The following PROS1 variants were observed in gnomAD, a reference collection of about 807,000 sequenced individuals.
PROS1 encodes the protein protein S.
Under a neutral mutation model 75.9 loss-of-function variants are expected in PROS1, and 29 were observed. That is an observed-to-expected ratio of 0.38 (90% CI 0.28 to 0.52). The LOEUF (loss-of-function observed/expected upper bound fraction) is 0.52, where lower values mean the gene tolerates loss of function less well. Among genes scored for constraint, PROS1 ranks in the 20% least tolerant of loss-of-function variants. PROS1 has a pLI of 0.83. For missense variants in PROS1, 680 were observed against 810.3 expected (o/e 0.84, Z 1.95); for synonymous variants, 245 against 280.6 (o/e 0.87, Z 1.27).
At chr3:93,943,837 T>G (rs1040317814) in intron 1 of PROS1, among the ~76,000 whole-genome samples, 1 of 152,148 alleles carries the variant, frequency 6.6e-6, no homozygotes, top group Non-Finnish European at 1.5e-5. Flanking sequence ...TTACTTCCCC[T>G]GGCTCAGAAG....
chr3:93,873,919 T>C lies in PROS1; in HGVS notation c.*326A>G, dbSNP rs1708145002. ...ACTTCCTTGCTTTCTGAAAAAAACA[T>C]AGGTATTTAGACACTAGTTCATGAT... is the stretch of plus-strand genomic sequence containing the variant. On this transcript the variant is annotated 3_prime_UTR_variant, in exon 15 of 15. Coordinates refer to ENST00000394236, the MANE Select transcript of PROS1 (RefSeq NM_000313.4). 1 of 257,312 alleles carries C rather than the reference T, an allele frequency of 3.9e-6. No homozygotes were observed. The highest frequency in any genetic ancestry group is 5.0e-5 in the South Asian group (1 of 19,956). The allele number at this position is 257,312 out of a possible 1,614,324, so 15.9% of individuals were successfully genotyped here. A position where few individuals can be genotyped will look rare whatever the true frequency, so the allele number is the denominator to read the frequency against.
chr3:93,882,865 C>T (rs754623377), intron 12 of PROS1, among the ~76,000 whole-genome samples: 5 of 152,140 alleles, frequency 3.3e-5, no homozygotes, highest in Non-Finnish European at 7.4e-5. Flanking sequence ...AGATCCTTCT[C>T]GGTCTCCTCT....
At chr3:93,965,670 C>T (rs1165039000) in intron 1 of PROS1, among the ~76,000 whole-genome samples, 6 of 152,060 alleles carry the variant, frequency 3.9e-5, no homozygotes, top group East Asian at 1.9e-4. Context: ...AAGGACCCCC[C>T]GGTAACAACC....
intron 1 of PROS1, among the ~76,000 whole-genome samples, chr3:93,934,019 A>T (rs1469759618): frequency 6.6e-6 from 1 of 151,206 alleles, no homozygotes; most frequent in Non-Finnish European, 1.5e-5. Flanking sequence ...AAAAAAAAAA[A>T]AAAAAAAAAA....
At chr3:93,953,379 C>A (rs1454288583) in intron 1 of PROS1, among the ~76,000 whole-genome samples, 1 of 152,176 alleles carries the variant, frequency 6.6e-6, no homozygotes, top group Non-Finnish European at 1.5e-5. Flanking sequence ...AGCTTATCCA[C>A]CCCGATCAAG....
chr3:93,893,340 T>C (rs1342181949), intron 9 of PROS1, among the ~76,000 whole-genome samples: 1 of 152,226 alleles, frequency 6.6e-6, no homozygotes, highest in East Asian at 1.9e-4. Context: ...ATTTTCTTGC[T>C]TATTCTTGGA....
Position 93,942,294 on chromosome 3 carries a change from ACT to A in PROS1, c.77-14889_77-14888del, listed in dbSNP as rs553659853. On this transcript the variant is annotated intron_variant, in intron 1 of 14. Transcript: ENST00000394236. ...GGACTACACATCAGTATTTATACTG[ACT>A]CTGAATATTCCGTCCATATCCTGCA... 3.5e-3 allele frequency among the ~76,000 whole-genome samples: 532 copies of A among 151,934 alleles called. 5 individuals are homozygous for A. The highest frequency in any genetic ancestry group is 0.012 in the African/African-American group (490 of 41,414).
chr3:93,949,696 A>T (rs564751328), intron 1 of PROS1, among the ~76,000 whole-genome samples: 1 of 152,348 alleles, frequency 6.6e-6, no homozygotes, highest in East Asian at 1.9e-4. Flanking sequence ...TATTTTAAGA[A>T]GTTGAAAGAA....
At chr3:93,946,791 C>T (rs1203527191) in intron 1 of PROS1, among the ~76,000 whole-genome samples, 2 of 146,124 alleles carry the variant, frequency 1.4e-5, no homozygotes, top group East Asian at 2.0e-4. Flanking sequence ...GCAACAAAAG[C>T]CAAAATTGAC....
intron 14 of PROS1, among the ~76,000 whole-genome samples, chr3:93,875,252 A>G (rs936226502): frequency 2.0e-5 from 3 of 152,068 alleles, no homozygotes; most frequent in African/African-American, 7.2e-5. Flanking sequence ...GAAAGAAATT[A>G]CTCAAAATCA....
intron 10 of PROS1, among the ~76,000 whole-genome samples, chr3:93,888,215 C>G (rs1486744160): frequency 1.3e-5 from 2 of 152,116 alleles, no homozygotes; most frequent in Non-Finnish European, 2.9e-5. Flanking sequence ...AACTTCCCAC[C>G]ACTTTGGAAA....
intron 3 of PROS1, among the ~76,000 whole-genome samples, chr3:93,916,143 GAGA>G (rs1708845028): frequency 6.6e-6 from 1 of 152,194 alleles, no homozygotes; most frequent in South Asian, 2.1e-4. Context: ...ACAAGAGATA[GAGA>G]GGGGAAGGGA....
chr3:93,950,573 G>A (rs548764355), intron 1 of PROS1, among the ~76,000 whole-genome samples: 2 of 152,304 alleles, frequency 1.3e-5, no homozygotes, highest in Admixed American at 1.3e-4. Context: ...GGAAAATAGG[G>A]CCTGGAGTGG....
intron 1 of PROS1, among the ~76,000 whole-genome samples, chr3:93,953,724 C>T (rs1164631942): frequency 6.6e-6 from 1 of 152,062 alleles, no homozygotes; most frequent in Non-Finnish European, 1.5e-5. Context: ...AAGTTCTGGC[C>T]AGGGCAATCA....
chr3:93,971,118 G>C (rs1709874123), intron 1 of PROS1, among the ~76,000 whole-genome samples: 1 of 152,108 alleles, frequency 6.6e-6, no homozygotes, highest in Non-Finnish European at 1.5e-5. Flanking sequence ...GAGGTGGGCA[G>C]ATCACTGGAG....
chr3:93,908,636 G>T (rs1157975822), intron 4 of PROS1, among the ~76,000 whole-genome samples: 1 of 152,146 alleles, frequency 6.6e-6, no homozygotes, highest in African/African-American at 2.4e-5. Flanking sequence ...GAGGGATAGG[G>T]ATAGTTTGTT....
chr3:93,917,992 G>A (rs1186928205), intron 3 of PROS1, among the ~76,000 whole-genome samples: 2 of 152,160 alleles, frequency 1.3e-5, no homozygotes, highest in Non-Finnish European at 2.9e-5. Context: ...GGACTGGCAG[G>A]CAGCTCCACC....
intron 3 of PROS1, among the ~76,000 whole-genome samples, chr3:93,920,424 G>T (rs1469331848): frequency 3.3e-5 from 5 of 152,082 alleles, no homozygotes; most frequent in Middle Eastern, 3.4e-3. Context: ...GATATGTTAT[G>T]GGATTTGCTG....
chr3:93,918,501 CA>C (rs1316590089), intron 3 of PROS1, among the ~76,000 whole-genome samples: 1 of 152,144 alleles, frequency 6.6e-6, no homozygotes, highest in Non-Finnish European at 1.5e-5. Flanking sequence ...TCCGAAGCTT[CA>C]CTCCTGAGCC....
Sources: gnomAD v4.1 joint callset for allele counts (sites outside exome capture counted in the v4.1 genomes callset) on GRCh38, gnomAD v4.1.1 for gene constraint, MANE v1.5 for transcripts, NCBI Gene and HGNC (gene_info 2026-07-23, HGNC 2026-07-21) for gene names.